Variants in LCOR observed in about 807,000 individuals in gnomAD.
LCOR encodes ligand dependent nuclear receptor corepressor.
Under a neutral mutation model 64.4 loss-of-function variants are expected in LCOR, and 14 were observed. That is an observed-to-expected ratio of 0.22 (90% CI 0.14 to 0.34). The LOEUF (loss-of-function observed/expected upper bound fraction) is 0.34. Ranked by LOEUF, LCOR falls within the 10% of genes least tolerant of loss-of-function variation. The probability of loss-of-function intolerance (pLI) is 1.00; values close to 1 mark genes in which losing one functional copy is unlikely to be tolerated. For synonymous variants in LCOR, 643 were observed against 642.5 expected, an observed-to-expected ratio of 1.00 and a Z score of -0.01; for missense variants, 1,686 against 1,765.3, an observed-to-expected ratio of 0.96 and a Z score of 0.80.
chr10:96,956,240 T>G (rs1348135418), intron 7 of LCOR: 38 of 1,028,764 alleles, frequency 3.7e-5, no homozygotes, highest in Non-Finnish European at 4.3e-5. Flanking sequence ...TGTTTTTTTT[T>G]GTTGTTGTTG....
rs7087386 is a variant in LCOR, at chr10:96,932,424, A to G, written c.-183-11689A>G. 9.7e-3 allele frequency among the ~76,000 whole-genome samples: 1,470 copies of G among 152,064 alleles called. 32 individuals carry two copies. The highest frequency in any genetic ancestry group is 0.034 in the African/African-American group (1,391 of 41,460). On this transcript the variant is annotated intron_variant, in intron 4 of 7. Transcript: ENST00000421806. The stretch of plus-strand genomic sequence containing the variant: ...CTTACCAGTAATCAGAGAAGTGCAA[A>G]TTGAAACAAGGAACCTTTTTTATTT...
intron 4 of LCOR, among the ~76,000 whole-genome samples, chr10:96,925,943 T>C (rs1326389081): frequency 6.6e-6 from 1 of 152,234 alleles, no homozygotes; most frequent in Non-Finnish European, 1.5e-5. Context: ...TCTTATTCTA[T>C]GCAATAAGTT....
chr10:96,872,472 C>T (rs992936019), intron 2 of LCOR, among the ~76,000 whole-genome samples: 16 of 152,066 alleles, frequency 1.1e-4, no homozygotes, highest in African/African-American at 3.1e-4. Flanking sequence ...GTGGGTGGAT[C>T]GCTTGAGATC....
At chr10:96,950,193 A>G (rs1175533038) in intron 6 of LCOR, among the ~76,000 whole-genome samples, 1 of 152,174 alleles carries the variant, frequency 6.6e-6, no homozygotes, top group Non-Finnish European at 1.5e-5. Flanking sequence ...TATTGGATTT[A>G]TTGGTGAGAA....
At chr10:96,873,249 G>A (rs1589621562) in intron 2 of LCOR, among the ~76,000 whole-genome samples, 1 of 152,286 alleles carries the variant, frequency 6.6e-6, no homozygotes, top group Non-Finnish European at 1.5e-5. Context: ...ACTGTAATTA[G>A]TTTCTAAAAG....
At chr10:96,876,125 A>T (rs774081438) in intron 2 of LCOR, among the ~76,000 whole-genome samples, 1 of 152,110 alleles carries the variant, frequency 6.6e-6, no homozygotes, top group Non-Finnish European at 1.5e-5. Context: ...ACTGGGTAAT[A>T]TATAAAGAAA....
At chr10:96,957,334 GA>G in intron 7 of LCOR, 1 of 984,946 alleles carries the variant, frequency 1.0e-6, no homozygotes, top group African/African-American at 1.7e-5. Flanking sequence ...AGCACTCCTT[GA>G]AGAATATCTA....
At chr10:96,968,045 A>G (rs763238694) in intron 7 of LCOR, among the ~76,000 whole-genome samples, 23 of 152,194 alleles carry the variant, frequency 1.5e-4, no homozygotes, top group Non-Finnish European at 2.9e-4. Flanking sequence ...TTCCACAGGA[A>G]GTTTTTTGGG....
intron 2 of LCOR, among the ~76,000 whole-genome samples, chr10:96,844,887 A>T (rs1172472545): frequency 6.6e-6 from 1 of 152,288 alleles, no homozygotes; most frequent in African/African-American, 2.4e-5. Context: ...TATTCTTCCC[A>T]GAGACCTCAA....
intron 2 of LCOR, among the ~76,000 whole-genome samples, chr10:96,877,198 A>T (rs1846182371): frequency 6.6e-6 from 1 of 152,136 alleles, no homozygotes; most frequent in Non-Finnish European, 1.5e-5. Context: ...TAACTATATC[A>T]AATCAACAAA....
At chr10:96,906,323 A>G (rs1399614928) in intron 2 of LCOR, among the ~76,000 whole-genome samples, 3 of 152,184 alleles carry the variant, frequency 2.0e-5, no homozygotes, top group East Asian at 3.8e-4. Context: ...GAGAGTGCAT[A>G]TGGATTCATA....
chr10:96,955,763 A>C, intron 7 of LCOR: 1 of 1,614,220 alleles, frequency 6.2e-7, no homozygotes, highest in Non-Finnish European at 8.5e-7. Flanking sequence ...CCCACAGTAC[A>C]CTGGAGTACA....
At chr10:96,958,052 A>G in intron 7 of LCOR, 4 of 1,036,848 alleles carry the variant, frequency 3.9e-6, no homozygotes, top group Non-Finnish European at 4.6e-6. Flanking sequence ...GGCTAAGCTT[A>G]TGAAGGAATG....
chr10:96,843,990 T>C lies in LCOR; in HGVS notation c.-330+10511T>C, dbSNP rs191594251. On this transcript the variant is annotated intron_variant, in intron 2 of 7. Transcript: ENST00000421806. ...TGTTTTACAGGCGGGGAAACAGATTTAGGGAGATTACAGATTTGATTCGTA... is the reference window on the plus strand; with the variant it reads ...TGTTTTACAGGCGGGGAAACAGATTCAGGGAGATTACAGATTTGATTCGTA... Among the ~76,000 whole-genome samples the C allele has an allele frequency of 3.3e-5, 5 of 152,332 alleles. No homozygotes were observed. In the East Asian group the frequency reaches 9.6e-4, roughly 29 times the overall value.
chr10:96,958,017 CAT>C, intron 7 of LCOR: 1 of 1,004,366 alleles, frequency 1.0e-6, no homozygotes, highest in Non-Finnish European at 1.2e-6. Flanking sequence ...TGAAGGAAAT[CAT>C]AGAAAGTTTG....
Position 96,981,669 on chromosome 10 carries a change from G to T in LCOR, c.1209G>T (p.Lys403Asn). The T allele has an allele frequency of 1.2e-6, 2 of 1,614,172 alleles. No individual in the cohort carries two copies. The highest frequency in any genetic ancestry group is 1.7e-6 in the Non-Finnish European group (2 of 1,180,046). The change falls in exon 8 of 8, where the codon AAG (lysine) becomes AAT (asparagine). Residue 403 changes from lysine (K) to asparagine (N), a missense_variant. Lys to Asn is a moderately conservative substitution (Grantham distance 94). Transcript: ENST00000421806. ...ENHLHSLGRN[K>N]VGYHLHPSDK... ...ATCTTCACTCTCTGGGAAGAAATAAGGTGGGTTACCATTTACATCCCAGTG... is the reference window on the plus strand; with the variant it reads ...ATCTTCACTCTCTGGGAAGAAATAATGTGGGTTACCATTTACATCCCAGTG...
chr10:96,912,122 C>T (rs184850012), intron 4 of LCOR, among the ~76,000 whole-genome samples: 2 of 151,922 alleles, frequency 1.3e-5, no homozygotes, highest in East Asian at 3.9e-4. Flanking sequence ...TTAGTAGAGG[C>T]GGGGTTTCAC....
intron 2 of LCOR, among the ~76,000 whole-genome samples, chr10:96,906,120 T>C (rs1473708506): frequency 6.6e-6 from 1 of 152,186 alleles, no homozygotes; most frequent in Non-Finnish European, 1.5e-5. Context: ...ACCTTATCTT[T>C]TAAGCATGGG....
chr10:96,891,277 T>G (rs544394847), intron 2 of LCOR, among the ~76,000 whole-genome samples: 1 of 152,110 alleles, frequency 6.6e-6, no homozygotes, highest in African/African-American at 2.4e-5. Flanking sequence ...CTAGATTATC[T>G]AATTTGTTGG....
Sources: gnomAD v4.1 joint callset for allele counts (sites outside exome capture counted in the v4.1 genomes callset) on GRCh38, gnomAD v4.1.1 for gene constraint, MANE v1.5 for transcripts, NCBI Gene and HGNC (gene_info 2026-07-23, HGNC 2026-07-21) for gene names.